Variants in CHD7 observed in about 807,000 individuals in gnomAD.
CHD7 encodes chromodomain helicase DNA binding protein 7.
Under a neutral mutation model 307.3 loss-of-function variants are expected in CHD7, and 24 were observed. That is an observed-to-expected ratio of 0.08 (90% CI 0.06 to 0.11). The LOEUF (loss-of-function observed/expected upper bound fraction) is 0.11, where lower values mean the gene tolerates loss of function less well. CHD7 is among the 10% of genes least tolerant of loss of function. The pLI is 1.00. For missense variants in CHD7, 3,106 were observed against 3,727.1 expected (o/e 0.83, Z 4.34); for synonymous variants, 1,363 against 1,349.9 (o/e 1.01, Z -0.21).
intron 6 of CHD7, among the ~76,000 whole-genome samples, chr8:60,804,766 A>G (rs1473044821): frequency 1.3e-5 from 2 of 152,216 alleles, no homozygotes; most frequent in Non-Finnish European, 2.9e-5. Context: ...AGTTAGGCCT[A>G]GACTCTGGGT....
At chr8:60,841,296 G>A (rs932547233) in intron 19 of CHD7, among the ~76,000 whole-genome samples, 1 of 152,188 alleles carries the variant, frequency 6.6e-6, no homozygotes, top group African/African-American at 2.4e-5. Context: ...TTTTATAAAT[G>A]TTTTAGAATG....
At chr8:60,800,326 T>C in intron 4 of CHD7, 62 bp from the exon 5 acceptor site, 1 of 1,555,554 alleles carries the variant, frequency 6.4e-7, no homozygotes, top group South Asian at 1.2e-5. Context: ...GCCACTGCGC[T>C]CGGCCACATT....
chr8:60,792,284 G>A (rs1811813375), intron 3 of CHD7, among the ~76,000 whole-genome samples: 2 of 152,166 alleles, frequency 1.3e-5, no homozygotes, highest in Non-Finnish European at 1.5e-5. Context: ...ACAACACTTA[G>A]TTGAAAAATC....
chr8:60,718,960 G>T (rs1381059435), intron 1 of CHD7, among the ~76,000 whole-genome samples: 1 of 152,204 alleles, frequency 6.6e-6, no homozygotes, highest in Non-Finnish European at 1.5e-5. Flanking sequence ...GTAACATGCT[G>T]CACAGGTTTG....
intron 1 of CHD7, among the ~76,000 whole-genome samples, chr8:60,739,519 C>T (rs1808884562): frequency 6.6e-6 from 1 of 152,184 alleles, no homozygotes; most frequent in Non-Finnish European, 1.5e-5. Context: ...TTCATGCTCA[C>T]CTTATTTTCA....
chr8:60,773,819 G>T (rs1196592973), intron 2 of CHD7, among the ~76,000 whole-genome samples: 1 of 152,150 alleles, frequency 6.6e-6, no homozygotes, highest in Admixed American at 6.5e-5. Context: ...GATAATGTTT[G>T]TTGGCTGCAA....
chr8:60,753,825 A>G (rs185455776), intron 2 of CHD7, among the ~76,000 whole-genome samples: 30 of 151,902 alleles, frequency 2.0e-4, no homozygotes, highest in African/African-American at 6.0e-4. Context: ...GGGTTTCACC[A>G]TGTTGGCCAG....
At position 60,856,037 on chromosome 8, in the gene CHD7, A is replaced by G. The variant is rs776845080; in HGVS notation, c.6999A>G (p.Pro2333=). The G allele has an allele frequency of 6.2e-7, 1 of 1,611,862 alleles. No homozygotes were observed. The highest frequency in any genetic ancestry group is 1.1e-5 in the South Asian group (1 of 90,500). ...AAGCAGTGTTGAAAGGCAAATGGCC[A>G]GTAAATAGGCGCCAGATGTTTGATT... ...ICEAVLKGKW[P]VNRRQMFDFQ... Residue 2333 remains proline (P), a synonymous_variant, in exon 33 of 38, where the codon CCA becomes CCG. Coordinates refer to ENST00000423902, the MANE Select transcript of CHD7 (RefSeq NM_017780.4).
In CHD7 at chr8:60,706,912, C is replaced by T. The variant is rs548257571; in HGVS notation, c.-175+27830C>T. ...GTATACATGTGCCATGTTGGTGTGC[C>T]GCACCCATTAACTCGTCATTTACAT... On this transcript the variant is annotated intron_variant, in intron 1 of 37. Coordinates refer to ENST00000423902, the MANE Select transcript of CHD7 (RefSeq NM_017780.4). Among the ~76,000 whole-genome samples, 719 of 151,994 alleles carry T rather than the reference C, an allele frequency of 4.7e-3. 2 individuals are homozygous for T. Among genetic ancestry groups the T allele is most frequent in the African/African-American group, 0.016 (677 of 41,450 alleles).
rs1434621688 is a variant in CHD7, at chr8:60,836,867, C to T, written c.4040C>T (p.Ala1347Val). The T allele has an allele frequency of 6.2e-7, 1 of 1,613,824 alleles. No homozygotes were observed. The highest frequency in any genetic ancestry group is 1.1e-5 in the South Asian group (1 of 91,050). ...DGRVRGNLRQ[A>V]AIDRFSKPDS... ...CGAGTAAGAGGCAACCTCCGCCAGG[C>T]AGCTATCGACAGATTCTCCAAACCT... Residue 1347 changes from alanine to valine, a missense_variant, in exon 17 of 38, where the codon GCA becomes GTA. By Grantham distance (64) the Ala-to-Val change is moderately conservative. Around this residue, in one of 10 missense-constraint regions of CHD7, gnomAD observed 232 missense variants for 422.5 expected, o/e 0.55. Transcript: ENST00000423902.
chr8:60,811,915 T>C (rs1267548981), intron 7 of CHD7, among the ~76,000 whole-genome samples: 2 of 152,238 alleles, frequency 1.3e-5, no homozygotes, highest in Non-Finnish European at 2.9e-5. Context: ...TTTTCTCTTA[T>C]TGTGAATAAG....
rs866901767 is a variant in CHD7 at position 60,741,264 on chromosome 8, A to G, written c.-169A>G. Reference sequence around the variant, plus strand: ...CACCCCAAACTCCCTTCCAGGACCTATATCCAGACTTTGCCTGACACTGCA... The same window carrying G: ...CACCCCAAACTCCCTTCCAGGACCTGTATCCAGACTTTGCCTGACACTGCA... On this transcript the variant is annotated 5_prime_UTR_variant, in exon 2 of 38. Transcript: ENST00000423902. 9.4e-5 allele frequency: 58 copies of G among 614,534 alleles called. No individual in the cohort carries two copies. The highest frequency in any genetic ancestry group is 1.4e-4 in the Non-Finnish European group (50 of 347,352). 38.1% of individuals were successfully genotyped at this position (614,534 alleles called of 1,614,324 possible).
chr8:60,746,115 C>T (rs978986316), intron 2 of CHD7, among the ~76,000 whole-genome samples: 1 of 152,210 alleles, frequency 6.6e-6, no homozygotes, highest in African/African-American at 2.4e-5. Flanking sequence ...CTCACTGCAA[C>T]CTCTGCCTCC....
chr8:60,761,801 A>C (rs2326597), intron 2 of CHD7, among the ~76,000 whole-genome samples: 32,655 of 151,964 alleles, frequency 0.21, 5,753 homozygotes, highest in African/African-American at 0.49. Context: ...AAATAGATTA[A>C]TTAATTAATC....
rs940593269 is a variant in CHD7, at chr8:60,678,955, T to C, written c.-302T>C. ...CACCCTGAAACTCACCAGAGACCCG[T>C]TCGCCCCCGGCCAACTCCGTGCCCG... On this transcript the variant is annotated 5_prime_UTR_variant, in exon 1 of 38. Coordinates refer to ENST00000423902, the MANE Select transcript of CHD7 (RefSeq NM_017780.4). 6.6e-6 allele frequency: 1 copy of C among 151,668 alleles called. No homozygotes were observed. Among genetic ancestry groups the C allele is most frequent in the African/African-American group, 2.4e-5 (1 of 41,282 alleles). The allele number at this position is 151,668 out of a possible 1,614,324, so 9.4% of individuals were successfully genotyped here.
intron 2 of CHD7, among the ~76,000 whole-genome samples, chr8:60,766,250 G>A (rs114242612): frequency 1.1e-4 from 16 of 152,310 alleles, no homozygotes; most frequent in African/African-American, 3.8e-4. Flanking sequence ...TGTGTAGCTT[G>A]TTGTCTGCTG....
intron 7 of CHD7, among the ~76,000 whole-genome samples, chr8:60,814,449 G>A (rs1419014978): frequency 3.9e-5 from 6 of 152,164 alleles, no homozygotes; most frequent in Non-Finnish European, 7.3e-5. Context: ...TTCTTTTTGT[G>A]TGTGTGTGGC....
At position 60,848,499 on chromosome 8, in the gene CHD7, C is replaced by T; in HGVS notation, c.5211-16C>T. 3 of 1,601,700 alleles carry T rather than the reference C, an allele frequency of 1.9e-6. No individual in the cohort carries two copies. The highest frequency in any genetic ancestry group is 2.6e-6 in the Non-Finnish European group (3 of 1,171,588). On this transcript the variant is annotated splice_polypyrimidine_tract_variant and intron_variant, in intron 23 of 37. Transcript: ENST00000423902. ...TGAAGTTAAGAACTTTTTCCCCCCT[C>T]TGTCTTCCTCTCCAGGGTCCTGCTG...
At chr8:60,735,337 ATG>A (rs1338661944) in intron 1 of CHD7, among the ~76,000 whole-genome samples, 1 of 152,210 alleles carries the variant, frequency 6.6e-6, no homozygotes, top group East Asian at 1.9e-4. Context: ...CTTATTAAAA[ATG>A]TGTCTCTTCT....
Sources: allele counts gnomAD v4.1 joint callset (sites outside exome capture counted in the v4.1 genomes callset), GRCh38; gene constraint gnomAD v4.1.1; regional missense constraint gnomAD v4.1.1; transcripts MANE v1.5; gene names NCBI Gene and HGNC (gene_info 2026-07-23, HGNC 2026-07-21).